The following SLAMF6 variants were observed in gnomAD, a reference collection of about 807,000 sequenced individuals.
SLAMF6 encodes NK-T-B-antigen.
SLAMF6 carries 21 observed loss-of-function variants against 38.3 expected under a neutral mutation model. The observed-to-expected ratio is 0.55, with a 90% CI of 0.39 to 0.79. The LOEUF (loss-of-function observed/expected upper bound fraction) is 0.79. Ranked by LOEUF, SLAMF6 falls within the 30% of genes least tolerant of loss-of-function variation. SLAMF6 has a pLI of 0.00. For missense variants in SLAMF6, 341 were observed against 385.3 expected (o/e 0.89, Z 0.96); for synonymous variants, 152 against 146.3 (o/e 1.04, Z -0.28).
chr1:160,503,683 C>CA (rs1654030026), intron 1 of SLAMF6, among the ~76,000 whole-genome samples: 1 of 152,144 alleles, frequency 6.6e-6, no homozygotes, highest in Non-Finnish European at 1.5e-5. Context: ...CATCCCTCCA[C>CA]AAAAAACATG....
intron 1 of SLAMF6, among the ~76,000 whole-genome samples, chr1:160,512,399 C>T (rs148848573): frequency 0.01 from 1,530 of 152,326 alleles, 9 homozygotes; most frequent in Middle Eastern, 0.017. Flanking sequence ...GCTGCGGACT[C>T]TGTGGATCAT....
intron 3 of SLAMF6, 67 bp downstream of exon 3, chr1:160,491,058 G>C (rs780217855): frequency 6.3e-7 from 1 of 1,579,702 alleles, no homozygotes. Flanking sequence ...TGGAAATTAC[G>C]TAGGATGTGA....
intron 1 of SLAMF6, among the ~76,000 whole-genome samples, chr1:160,521,034 T>TC (rs1483757400): frequency 6.6e-6 from 1 of 152,208 alleles, no homozygotes; most frequent in African/African-American, 2.4e-5. Flanking sequence ...CAGGTCCCCG[T>TC]GTTTTTCTCT....
intron 1 of SLAMF6, among the ~76,000 whole-genome samples, chr1:160,509,632 A>G (rs1469350556): frequency 6.6e-6 from 1 of 152,214 alleles, no homozygotes; most frequent in Non-Finnish European, 1.5e-5. Context: ...GTGCACATGT[A>G]CCCTAGAACT....
Position 160,499,940 on chromosome 1 carries a change from C to A in SLAMF6, c.50-3547G>T, listed in dbSNP as rs187154543. Among the ~76,000 whole-genome samples the A allele has an allele frequency of 1.3e-3, 198 of 152,282 alleles. 1 individual carries two copies. Among genetic ancestry groups the A allele is most frequent in the South Asian group, 0.011 (53 of 4,822 alleles). On this transcript the variant is annotated intron_variant, in intron 1 of 7. Transcript: ENST00000368057. ...TTCCTCTGAATCACATGGGTGAATA[C>A]CACAAGCAACATTTTGAGCAGAATG...
chr1:160,491,045 T>C (rs1653261876), intron 3 of SLAMF6, 80 bp downstream of exon 3: 1 of 1,555,672 alleles, frequency 6.4e-7, no homozygotes, highest in Non-Finnish European at 8.8e-7. Flanking sequence ...TGGGCCACTG[T>C]ATTGGAAATT....
intron 1 of SLAMF6, among the ~76,000 whole-genome samples, chr1:160,509,053 G>A (rs1017070904): frequency 1.3e-5 from 2 of 152,216 alleles, no homozygotes; most frequent in East Asian, 1.9e-4. Flanking sequence ...TACAATGTTG[G>A]TGGGAGTGTA....
At chr1:160,508,513 A>G (rs1224280906) in intron 1 of SLAMF6, among the ~76,000 whole-genome samples, 1 of 152,232 alleles carries the variant, frequency 6.6e-6, no homozygotes, top group African/African-American at 2.4e-5. Context: ...TTAATTCAAG[A>G]TGGATTAAAG....
At chr1:160,489,446 A>G (rs1173300582) in intron 5 of SLAMF6, among the ~76,000 whole-genome samples, 1 of 152,172 alleles carries the variant, frequency 6.6e-6, no homozygotes, top group Non-Finnish European at 1.5e-5. Context: ...TGGGTCAGGA[A>G]GCTCCTGGGA....
intron 1 of SLAMF6, among the ~76,000 whole-genome samples, chr1:160,499,837 G>C (rs1174968275): frequency 3.9e-5 from 6 of 152,166 alleles, no homozygotes; most frequent in African/African-American, 1.2e-4. Context: ...ATGGGTTCCA[G>C]GCACATGAAC....
At chr1:160,509,184 A>G (rs774247634) in intron 1 of SLAMF6, among the ~76,000 whole-genome samples, 8 of 152,196 alleles carry the variant, frequency 5.3e-5, no homozygotes, top group Non-Finnish European at 1.0e-4. Context: ...AAATCATGCT[A>G]CTGTAAAGAC....
intron 1 of SLAMF6, among the ~76,000 whole-genome samples, chr1:160,498,619 G>C (rs1347364532): frequency 6.6e-6 from 1 of 152,148 alleles, no homozygotes; most frequent in African/African-American, 2.4e-5. Flanking sequence ...CTCCTACCAG[G>C]TCCCTCCCAT....
intron 6 of SLAMF6, among the ~76,000 whole-genome samples, chr1:160,488,100 A>C (rs1653064537): frequency 6.6e-6 from 1 of 151,806 alleles, no homozygotes; most frequent in Non-Finnish European, 1.5e-5. Flanking sequence ...CAAAAAAAAA[A>C]AAAAACCAAA....
intron 1 of SLAMF6, among the ~76,000 whole-genome samples, chr1:160,516,736 C>T (rs540710134): frequency 9.2e-5 from 14 of 152,080 alleles, no homozygotes; most frequent in Admixed American, 2.0e-4. Context: ...CTTCAAAAAA[C>T]GTGACAAAAA....
At chr1:160,511,140 C>T (rs567333330) in intron 1 of SLAMF6, among the ~76,000 whole-genome samples, 13 of 152,112 alleles carry the variant, frequency 8.5e-5, no homozygotes, top group South Asian at 4.2e-4. Context: ...ATTAATATGC[C>T]GATACCACCA....
Position 160,490,679 on chromosome 1 carries a change from T to C in SLAMF6, c.653A>G (p.Lys218Arg). 1 of 1,612,880 alleles carries C rather than the reference T, an allele frequency of 6.2e-7. No homozygotes were observed. Among genetic ancestry groups the C allele is most frequent in the Non-Finnish European group, 8.5e-7 (1 of 1,179,660 alleles). ...VSAQKLCEDV[K>R]IQYTDTKMIL... is the part of the protein sequence containing the mutation. ...CATTTTGGTATCTGTATATTGAATT[T>C]TAACATCTGAAAAGAGAAAAAAGAA... Residue 218 changes from lysine to arginine, a missense_variant, in exon 4 of 8, where the codon AAA becomes AGA. Transcript: ENST00000368057.
chr1:160,505,323 G>A (rs1654126333), intron 1 of SLAMF6, among the ~76,000 whole-genome samples: 1 of 152,216 alleles, frequency 6.6e-6, no homozygotes, highest in South Asian at 2.1e-4. Flanking sequence ...ACAAGAAAGT[G>A]TGACCCATTC....
At chr1:160,493,951 T>A (rs4656919) in intron 2 of SLAMF6, among the ~76,000 whole-genome samples, 5,423 of 152,196 alleles carry the variant, frequency 0.036, 112 homozygotes, top group Middle Eastern at 0.075. Context: ...ACCTCCCACA[T>A]GATCAAATCA....
At chr1:160,487,307 T>A (rs548885279) in intron 6 of SLAMF6, 132 bp from the exon 7 acceptor site, 2 of 790,212 alleles carry the variant, frequency 2.5e-6, no homozygotes, top group South Asian at 3.6e-5. Context: ...CTGGGGAATG[T>A]TCAGTGGAAG....
Sources: allele counts gnomAD v4.1 joint callset (sites outside exome capture counted in the v4.1 genomes callset), GRCh38; gene constraint gnomAD v4.1.1; transcripts MANE v1.5; gene names NCBI Gene and HGNC (gene_info 2026-07-23, HGNC 2026-07-21).